Variants in CPQ observed in about 807,000 individuals in gnomAD.
CPQ encodes Ser-Met dipeptidase.
A neutral mutation model predicts 45.7 loss-of-function variants in CPQ; 37 were observed. The observed-to-expected ratio is 0.81, with a 90% CI of 0.62 to 1.07. CPQ has a LOEUF of 1.07. Among genes scored for constraint, CPQ ranks in the 50% least tolerant of loss-of-function variants. CPQ has a pLI of 0.00. For synonymous variants in CPQ, 186 were observed against 205.8 expected, an observed-to-expected ratio of 0.90 and a Z score of 0.82; for missense variants, 537 against 572.9, an observed-to-expected ratio of 0.94 and a Z score of 0.64.
chr8:97,023,453 C>A (rs1340805054), intron 5 of CPQ, among the ~76,000 whole-genome samples: 8 of 152,106 alleles, frequency 5.3e-5, no homozygotes, highest in Admixed American at 5.2e-4. Flanking sequence ...CAAACACCAC[C>A]TGTACCCCAA....
chr8:97,108,287 C>T (rs1002410479), intron 7 of CPQ, among the ~76,000 whole-genome samples: 4 of 152,188 alleles, frequency 2.6e-5, no homozygotes, highest in African/African-American at 9.7e-5. Context: ...GGACACATAA[C>T]AACTCTGCTG....
intron 1 of CPQ, among the ~76,000 whole-genome samples, chr8:96,664,040 G>T (rs532635024): frequency 1.3e-5 from 2 of 152,108 alleles, no homozygotes; most frequent in Non-Finnish European, 2.9e-5. Context: ...GAACATCGAA[G>T]GTTATTATTA....
At chr8:96,983,314 G>A (rs1221622855) in intron 5 of CPQ, among the ~76,000 whole-genome samples, 1 of 152,090 alleles carries the variant, frequency 6.6e-6, no homozygotes, top group East Asian at 1.9e-4. Flanking sequence ...TTAAGGCCAT[G>A]CATTACCCTC....
intron 4 of CPQ, among the ~76,000 whole-genome samples, chr8:96,924,623 TG>T (rs1812849440): frequency 6.6e-6 from 1 of 152,186 alleles, no homozygotes; most frequent in Admixed American, 6.5e-5. Flanking sequence ...TCCCTAATTA[TG>T]GTGTTTTCGA....
At chr8:96,689,584 T>TA (rs1182049673) in intron 1 of CPQ, among the ~76,000 whole-genome samples, 7 of 152,166 alleles carry the variant, frequency 4.6e-5, no homozygotes, top group Admixed American at 1.3e-4. Flanking sequence ...TATTGCATGT[T>TA]AAAAAAAGTT....
At chr8:96,743,307 G>A (rs1243435465) in intron 1 of CPQ, among the ~76,000 whole-genome samples, 7 of 151,424 alleles carry the variant, frequency 4.6e-5, no homozygotes, top group African/African-American at 1.7e-4. Flanking sequence ...TAGTTCTCGA[G>A]CCTTGGTTTT....
At chr8:96,748,047 C>G (rs1374161965) in intron 1 of CPQ, among the ~76,000 whole-genome samples, 1 of 152,132 alleles carries the variant, frequency 6.6e-6, no homozygotes, top group African/African-American at 2.4e-5. Context: ...CAGAAATCAC[C>G]TAATTAGCAT....
intron 2 of CPQ, among the ~76,000 whole-genome samples, chr8:96,796,549 A>C (rs368130214): frequency 3.9e-5 from 6 of 152,320 alleles, no homozygotes; most frequent in African/African-American, 1.4e-4. Flanking sequence ...TGTAGTTAAT[A>C]GACTGCAAAA....
At chr8:96,795,587 T>G (rs1810917539) in intron 2 of CPQ, among the ~76,000 whole-genome samples, 1 of 152,204 alleles carries the variant, frequency 6.6e-6, no homozygotes, top group Admixed American at 6.5e-5. Flanking sequence ...TGTGTCCTTT[T>G]ATCTTATATA....
intron 5 of CPQ, among the ~76,000 whole-genome samples, chr8:97,017,507 TGG>T (rs1338982598): frequency 1.3e-5 from 2 of 152,150 alleles, no homozygotes; most frequent in Admixed American, 6.5e-5. Flanking sequence ...GCAAGTAGCC[TGG>T]GGCAAGTTCT....
At chr8:96,854,474 T>C (rs1811814398) in intron 3 of CPQ, among the ~76,000 whole-genome samples, 1 of 121,838 alleles carries the variant, frequency 8.2e-6, no homozygotes. Context: ...GAGCTTGCAG[T>C]GAGCCGAGAT....
chr8:96,738,279 G>C (rs868043790), intron 1 of CPQ, among the ~76,000 whole-genome samples: 4 of 152,036 alleles, frequency 2.6e-5, no homozygotes, highest in South Asian at 2.1e-4. Context: ...GTTGCTGTTT[G>C]ACATATCAGT....
intron 1 of CPQ, among the ~76,000 whole-genome samples, chr8:96,708,029 A>G (rs1436102977): frequency 1.3e-5 from 2 of 152,134 alleles, no homozygotes; most frequent in Non-Finnish European, 2.9e-5. Context: ...TGGAGGATTT[A>G]GGAGAGAGTC....
At chr8:96,665,364 G>A (rs954571657) in intron 1 of CPQ, among the ~76,000 whole-genome samples, 4 of 152,194 alleles carry the variant, frequency 2.6e-5, no homozygotes, top group African/African-American at 7.2e-5. Flanking sequence ...TAAACAATGT[G>A]TTGGTAGGAA....
intron 4 of CPQ, among the ~76,000 whole-genome samples, chr8:96,956,629 C>T (rs1319095599): frequency 6.6e-6 from 1 of 151,880 alleles, no homozygotes; most frequent in Non-Finnish European, 1.5e-5. Context: ...ATATTAGATA[C>T]AAAACTAGTT....
chr8:97,071,899 A>C (rs1810750464), intron 7 of CPQ, among the ~76,000 whole-genome samples: 1 of 152,042 alleles, frequency 6.6e-6, no homozygotes, highest in Non-Finnish European at 1.5e-5. Context: ...CAGCATGTAG[A>C]CTTTTGTCAG....
intron 4 of CPQ, among the ~76,000 whole-genome samples, chr8:96,915,724 G>A (rs959756993): frequency 1.1e-4 from 17 of 151,954 alleles, no homozygotes; most frequent in South Asian, 8.3e-4. Flanking sequence ...CAGGATGCTC[G>A]GCTCTAAATA....
At chr8:96,747,109 G>A (rs1405899264) in intron 1 of CPQ, among the ~76,000 whole-genome samples, 6 of 152,036 alleles carry the variant, frequency 3.9e-5, no homozygotes, top group African/African-American at 9.7e-5. Flanking sequence ...TGGCCAACAT[G>A]TTGAAACGCT....
intron 2 of CPQ, among the ~76,000 whole-genome samples, chr8:96,794,887 A>G (rs1371164008): frequency 6.6e-6 from 1 of 152,234 alleles, no homozygotes; most frequent in African/African-American, 2.4e-5. Context: ...CAAGTTCCTC[A>G]TCTCCATCTG....
Sources: allele counts gnomAD v4.1 joint callset (sites outside exome capture counted in the v4.1 genomes callset), GRCh38; gene constraint gnomAD v4.1.1; transcripts MANE v1.5; gene names NCBI Gene and HGNC (gene_info 2026-07-23, HGNC 2026-07-21).